SYN3: variants seen among roughly 807,000 people sequenced by gnomAD.
SYN3 encodes the protein synapsin-3.
A neutral mutation model predicts 65.8 loss-of-function variants in SYN3; 35 were observed. The observed-to-expected ratio is 0.53, with a 90% confidence interval of 0.41 to 0.70. The LOEUF (loss-of-function observed/expected upper bound fraction) is 0.70. SYN3 is among the 30% of genes least tolerant of loss of function. The pLI is 0.00. For missense variants in SYN3, 680 were observed against 749.0 expected (o/e 0.91, Z 1.08); for synonymous variants, 270 against 292.9 (o/e 0.92, Z 0.80).
intron 6 of SYN3, among the ~76,000 whole-genome samples, chr22:32,740,354 C>T (rs1602028645): frequency 6.6e-6 from 1 of 152,132 alleles, no homozygotes; most frequent in Admixed American, 6.5e-5. Flanking sequence ...GATTACAGCA[C>T]AAAAATGAGA....
At chr22:32,871,690 C>T (rs1448263179) in intron 4 of SYN3, among the ~76,000 whole-genome samples, 2 of 152,084 alleles carry the variant, frequency 1.3e-5, no homozygotes, top group Non-Finnish European at 2.9e-5. Context: ...TCACTGCACC[C>T]TCAAACTCCT....
chr22:32,640,212 T>C (rs1377112622), intron 6 of SYN3, among the ~76,000 whole-genome samples: 2 of 152,222 alleles, frequency 1.3e-5, no homozygotes, highest in South Asian at 4.1e-4. Context: ...GCTGGCTGCC[T>C]CCTCTGCCCA....
chr22:32,673,366 C>A (rs2060398076), intron 6 of SYN3, among the ~76,000 whole-genome samples: 1 of 152,228 alleles, frequency 6.6e-6, no homozygotes, highest in Admixed American at 6.5e-5. Flanking sequence ...TTGCCCCCAA[C>A]ACAGCTGAGC....
Position 33,011,240 on chromosome 22 carries a change from A to C in SYN3, c.-162-4416T>G, listed in dbSNP as rs569546221. On this transcript the variant is annotated intron_variant, in intron 1 of 13. Coordinates refer to ENST00000358763, the MANE Select transcript of SYN3 (RefSeq NM_003490.4). ...TAAATCCACTTTATTAGATTCAGGC[A>C]GTTCTCTTCTATTATTATTTGGATG... 2.0e-5 allele frequency among the ~76,000 whole-genome samples: 3 copies of C among 152,288 alleles called. No individual in the cohort carries two copies. In the South Asian group the frequency reaches 6.2e-4, roughly 32 times the overall value.
At chr22:32,711,511 A>C (rs138530723) in intron 6 of SYN3, among the ~76,000 whole-genome samples, 1 of 152,320 alleles carries the variant, frequency 6.6e-6, no homozygotes, top group African/African-American at 2.4e-5. Context: ...AGAGAGGGGC[A>C]AGCAGAGTAA....
chr22:32,537,195 T>C (rs1439336686), intron 9 of SYN3, among the ~76,000 whole-genome samples: 1 of 151,884 alleles, frequency 6.6e-6, no homozygotes, highest in African/African-American at 2.4e-5. Context: ...GTTTTGCTCT[T>C]TTTGCCCAGG....
At chr22:32,679,646 T>G (rs975407544) in intron 6 of SYN3, among the ~76,000 whole-genome samples, 1 of 152,150 alleles carries the variant, frequency 6.6e-6, no homozygotes, top group East Asian at 1.9e-4. Flanking sequence ...CACTTTTGTT[T>G]TTAATAACAG....
At chr22:32,776,655 C>G (rs1306580521) in intron 6 of SYN3, among the ~76,000 whole-genome samples, 2 of 152,346 alleles carry the variant, frequency 1.3e-5, no homozygotes, top group Non-Finnish European at 2.9e-5. Context: ...GCCAGTCACG[C>G]AGCCTTGAGC....
chr22:32,865,094 T>A (rs1333477379), intron 5 of SYN3, 90 bp from the exon 6 acceptor site: 12 of 1,057,038 alleles, frequency 1.1e-5, no homozygotes, highest in Non-Finnish European at 1.8e-5. Flanking sequence ...AGCATCTGAC[T>A]GTTCTGAGCC....
At chr22:32,559,016 C>T (rs746256385) in intron 7 of SYN3, among the ~76,000 whole-genome samples, 3 of 152,236 alleles carry the variant, frequency 2.0e-5, no homozygotes, top group African/African-American at 2.4e-5. Flanking sequence ...CTACCTCTAA[C>T]GAGTGCTTTC....
chr22:33,012,994 G>A (rs566404408), intron 1 of SYN3, among the ~76,000 whole-genome samples: 2 of 152,160 alleles, frequency 1.3e-5, no homozygotes, highest in South Asian at 4.1e-4. Context: ...ATCTGTGAGA[G>A]GTTTAGTTCA....
chr22:32,878,846 G>A (rs2049050172), intron 4 of SYN3, among the ~76,000 whole-genome samples: 1 of 152,174 alleles, frequency 6.6e-6, no homozygotes, highest in Admixed American at 6.5e-5. Context: ...AACCAGGAGT[G>A]AGGAATAAGC....
intron 4 of SYN3, among the ~76,000 whole-genome samples, chr22:32,900,970 T>C (rs1044093741): frequency 3.3e-5 from 5 of 152,364 alleles, no homozygotes; most frequent in East Asian, 1.9e-4. Flanking sequence ...ATCCAATAGA[T>C]GTATCTAGCA....
At chr22:32,869,596 A>G (rs1175025419) in intron 4 of SYN3, among the ~76,000 whole-genome samples, 2 of 151,940 alleles carry the variant, frequency 1.3e-5, no homozygotes, top group African/African-American at 4.8e-5. Flanking sequence ...TTGTTCAAAA[A>G]GATACGCTGC....
chr22:32,713,322 T>G (rs570611628), intron 6 of SYN3, among the ~76,000 whole-genome samples: 2 of 152,366 alleles, frequency 1.3e-5, no homozygotes, highest in South Asian at 4.1e-4. Flanking sequence ...GAAACTGTTT[T>G]ATGGGCTTTA....
At chr22:32,994,070 G>A (rs1042108734) in intron 2 of SYN3, among the ~76,000 whole-genome samples, 12 of 152,166 alleles carry the variant, frequency 7.9e-5, no homozygotes, top group Admixed American at 5.2e-4. Context: ...CAGGGGCACC[G>A]GGCCGCTGGA....
At chr22:33,014,577 T>TG (rs2053423523) in intron 1 of SYN3, 1 of 152,288 alleles carries the variant, frequency 6.6e-6, no homozygotes, top group South Asian at 2.1e-4. Context: ...GGTCCAGAGT[T>TG]GGAGACCAGC....
At chr22:33,055,626 G>A (rs1018799) in intron 1 of SYN3, among the ~76,000 whole-genome samples, 11,255 of 152,224 alleles carry the variant, frequency 0.074, 631 homozygotes, top group East Asian at 0.27. Flanking sequence ...CAATAGGAAA[G>A]TAAATAAAAT....
intron 6 of SYN3, among the ~76,000 whole-genome samples, chr22:32,674,236 A>T (rs1201487869): frequency 6.6e-6 from 1 of 152,126 alleles, no homozygotes; most frequent in Non-Finnish European, 1.5e-5. Context: ...AGCTTTGGGG[A>T]AGCCATTTCT....
Sources: allele counts gnomAD v4.1 joint callset (sites outside exome capture counted in the v4.1 genomes callset), GRCh38; gene constraint gnomAD v4.1.1; transcripts MANE v1.5; gene names NCBI Gene and HGNC (gene_info 2026-07-23, HGNC 2026-07-21).